Variants in CIT observed in about 807,000 individuals in gnomAD.
The protein encoded by CIT is citron Rho-interacting kinase.
CIT carries 79 observed loss-of-function variants against 272.7 expected under a neutral mutation model. That is an observed-to-expected ratio of 0.29 (90% CI 0.24 to 0.35). The LOEUF (loss-of-function observed/expected upper bound fraction) is 0.35, where lower values mean the gene tolerates loss of function less well. Among genes scored for constraint, CIT ranks in the 10% least tolerant of loss-of-function variants. The probability of loss-of-function intolerance (pLI) is 1.00; values close to 1 mark genes in which losing one functional copy is unlikely to be tolerated. For synonymous variants in CIT, 948 were observed against 995.6 expected (o/e 0.95, Z 0.90); for missense variants, 1,909 against 2,618.3 (o/e 0.73, Z 5.91).
Position 119,718,359 on chromosome 12 carries a change from C to A in CIT, c.4054G>T (p.Ala1352Ser). 5 of 1,613,962 alleles carry A rather than the reference C, an allele frequency of 3.1e-6. No individual in the cohort carries two copies. The highest frequency in any genetic ancestry group is 4.2e-6 in the Non-Finnish European group (5 of 1,179,958). Reference sequence around the variant, plus strand: ...GCGGACATGGCGATCTGCTGCCTCGCGGTGGCTGGCGTGGATGGGTGTGGG... The same window carrying A: ...GCGGACATGGCGATCTGCTGCCTCGAGGTGGCTGGCGTGGATGGGTGTGGG... ...DHPHPSTPATARQQIAMSAIV... is the reference protein window; with the variant it reads ...DHPHPSTPATSRQQIAMSAIV... Residue 1352 changes from alanine to serine, a missense_variant, in exon 32 of 48, where the codon GCG becomes TCG. Ala to Ser is a moderately conservative substitution (Grantham distance 99, BLOSUM62 1). Coordinates refer to ENST00000392521, the MANE Select transcript of CIT (RefSeq NM_001206999.2). This position sits in a 1 kb window ranked among gnomAD's most constrained non-coding sequence, Gnocchi z 4.8.
chr12:119,854,029 T>G (rs1186790333), intron 4 of CIT, among the ~76,000 whole-genome samples: 1 of 151,464 alleles, frequency 6.6e-6, no homozygotes, highest in Non-Finnish European at 1.5e-5. Context: ...TCTACATAAT[T>G]TATTTTTTTT....
At position 119,857,655 on chromosome 12, in the gene CIT, T is replaced by C; in HGVS notation, c.282A>G (p.Ala94=). ...IAELQELQPS[A]KDFEVRSLVG... ...CAAGACTTCTGACTTCGAAGTCCTTTGCCGAAGGCTGGAGCTCCTGTAACT... is the reference window on the plus strand; with the variant it reads ...CAAGACTTCTGACTTCGAAGTCCTTCGCCGAAGGCTGGAGCTCCTGTAACT... Residue 94 remains alanine, a synonymous_variant, in exon 4 of 48, where the codon GCA becomes GCG. Transcript: ENST00000392521. 6.2e-7 allele frequency: 1 copy of C among 1,614,196 alleles called. No individual in the cohort carries two copies. Among genetic ancestry groups the C allele is most frequent in the Non-Finnish European group, 8.5e-7 (1 of 1,180,040 alleles).
At position 119,847,212 on chromosome 12, in the gene CIT, C is replaced by A. The variant is rs182343497; in HGVS notation, c.516+2962G>T. Among the ~76,000 whole-genome samples, 85 of 152,304 alleles carry A rather than the reference C, an allele frequency of 5.6e-4. No individual in the cohort carries two copies. The East Asian group carries it at 0.014, about 25-fold the overall frequency. ...TGTTAGCCAGGATGGTCTCGATCTC[C>A]TGACCTCCTGATCTGCCCACCTCGG... is the stretch of plus-strand genomic sequence containing the variant. On this transcript the variant is annotated intron_variant, in intron 5 of 47. Coordinates refer to ENST00000392521, the MANE Select transcript of CIT (RefSeq NM_001206999.2).
At chr12:119,688,460 C>A (rs1955707559) in intron 47 of CIT, among the ~76,000 whole-genome samples, 1 of 152,246 alleles carries the variant, frequency 6.6e-6, no homozygotes, top group South Asian at 2.1e-4. Flanking sequence ...CGTGTGTGTA[C>A]CTGCGATGCT....
At chr12:119,707,275 T>C (rs1258134846) in intron 40 of CIT, among the ~76,000 whole-genome samples, 1 of 152,238 alleles carries the variant, frequency 6.6e-6, no homozygotes, top group Non-Finnish European at 1.5e-5. Context: ...CTCAGACATT[T>C]ATTTTAGATT....
Position 119,718,283 on chromosome 12 carries a change from G to A in CIT, c.4130C>T (p.Pro1377Leu), listed in dbSNP as rs779515686. Reference sequence around the variant, plus strand: ...AGACTCCTTTCTGCGGCTGGATGGCGGGGCCAGCAGGCTCATGGCACTGGG... The same window carrying A: ...AGACTCCTTTCTGCGGCTGGATGGCAGGGCCAGCAGGCTCATGGCACTGGG... The part of the protein sequence containing the change: ...HQPSAMSLLA[P>L]PSSRRKESST... Residue 1377 changes from proline to leucine, a missense_variant, in exon 32 of 48, where the codon CCG (proline) becomes CTG (leucine). This residue lies in a region of CIT where 780 missense variants were observed against 1,067.2 expected (regional missense o/e 0.73). Transcript: ENST00000392521. This position sits in a 1 kb window ranked among gnomAD's most constrained non-coding sequence, Gnocchi z 4.8. 33 of 1,613,466 alleles carry A rather than the reference G, an allele frequency of 2.0e-5. No homozygotes were observed. The highest frequency in any genetic ancestry group is 1.2e-5 in the Non-Finnish European group (14 of 1,179,702).
At chr12:119,807,406 A>G (rs561593061) in intron 9 of CIT, among the ~76,000 whole-genome samples, 9 of 152,332 alleles carry the variant, frequency 5.9e-5, no homozygotes, top group African/African-American at 2.2e-4. Context: ...TCTTGGGGAT[A>G]TAATTCTTCT....
At position 119,697,691 on chromosome 12, in the gene CIT, A is replaced by G. The variant is rs201139538; in HGVS notation, c.5850T>C (p.Thr1950=). 1.9e-6 allele frequency: 3 copies of G among 1,614,198 alleles called. No homozygotes were observed. Among genetic ancestry groups the G allele is most frequent in the East Asian group, 2.2e-5 (1 of 44,888 alleles). Residue 1950 remains threonine, a synonymous_variant, in exon 46 of 48, where the codon ACT becomes ACC. Coordinates refer to ENST00000392521, the MANE Select transcript of CIT (RefSeq NM_001206999.2). The surrounding 1 kb of genome is among the most constrained non-coding windows in gnomAD (Gnocchi z 4.9). ...AGGTGGACGGGCCCCGGTGGTGTTC[A>G]GTGCCGGACTCCTTCACGAGGTTTC... ...CKGNLVKESG[T]EHHRGPSTSR...
Position 119,796,328 on chromosome 12 carries a change from C to T in CIT, c.1295+6878G>A, listed in dbSNP as rs1402603358. On this transcript the variant is annotated intron_variant, in intron 10 of 47. Transcript: ENST00000392521. Reference sequence around the variant, plus strand: ...GGCAAGGGAATCACTGAGGAGGCTACTGCACCAGACCAAGCAAGAGTCCAT... The same window carrying T: ...GGCAAGGGAATCACTGAGGAGGCTATTGCACCAGACCAAGCAAGAGTCCAT... Among the ~76,000 whole-genome samples, 6 of 152,174 alleles carry T rather than the reference C, an allele frequency of 3.9e-5. No individual in the cohort carries two copies. The East Asian group carries it at 9.6e-4, about 24-fold the overall frequency.
chr12:119,871,364 GCTTTAAA>G (rs1950672614), intron 2 of CIT, among the ~76,000 whole-genome samples: 1 of 152,124 alleles, frequency 6.6e-6, no homozygotes, highest in African/African-American at 2.4e-5. Context: ...AATCATTGTT[GCTTTAAA>G]CTTTGTGAGT....
intron 16 of CIT, among the ~76,000 whole-genome samples, chr12:119,773,489 A>G (rs987987788): frequency 6.6e-6 from 1 of 152,090 alleles, no homozygotes; most frequent in Non-Finnish European, 1.5e-5. Flanking sequence ...CTGGAGTGCA[A>G]TGGCGCAATC....
At chr12:119,766,523 T>C (rs1019815145) in intron 19 of CIT, among the ~76,000 whole-genome samples, 3 of 152,096 alleles carry the variant, frequency 2.0e-5, no homozygotes, top group Non-Finnish European at 4.4e-5. Flanking sequence ...GGATGGTTAA[T>C]GGCTGCAAAA....
Position 119,710,317 on chromosome 12 carries a change from G to C in CIT, c.5005C>G (p.Pro1669Ala). Residue 1669 changes from proline to alanine, a missense_variant, in exon 39 of 48, where the codon CCA (proline) becomes GCA (alanine). Physicochemically the swap from Pro to Ala is conservative, Grantham distance 27. This residue lies in a region of CIT where 780 missense variants were observed against 1,067.2 expected (regional missense o/e 0.73). Coordinates refer to ENST00000392521, the MANE Select transcript of CIT (RefSeq NM_001206999.2). This position sits in a 1 kb window ranked among gnomAD's most constrained non-coding sequence, Gnocchi z 5.6. Reference sequence around the variant, plus strand: ...ATTTGGAAGACTGCTCCAATTCCTGGGACATGGGTTAGGGAGTTTTTCAAG... The same window carrying C: ...ATTTGGAAGACTGCTCCAATTCCTGCGACATGGGTTAGGGAGTTTTTCAAG... ...NVLKNSLTHVPGIGAVFQIYI... is the reference protein window; with the variant it reads ...NVLKNSLTHVAGIGAVFQIYI... 1 of 1,614,172 alleles carries C rather than the reference G, an allele frequency of 6.2e-7. No individual in the cohort carries two copies. The highest frequency in any genetic ancestry group is 8.5e-7 in the Non-Finnish European group (1 of 1,180,022).
Position 119,688,271 on chromosome 12 carries a change from G to A in CIT, c.6187-16C>T. 3 of 1,613,210 alleles carry A rather than the reference G, an allele frequency of 1.9e-6. No homozygotes were observed. Among genetic ancestry groups the A allele is most frequent in the Non-Finnish European group, 2.5e-6 (3 of 1,179,286 alleles). The stretch of plus-strand genomic sequence containing the variant: ...GGTCCCAGACCTAGGAGTGAAATAA[G>A]GAGGAGTGTTAGCCATCCGAGGCCA... On this transcript the variant is annotated splice_polypyrimidine_tract_variant and intron_variant, in intron 47 of 47. Transcript: ENST00000392521.
intron 14 of CIT, 86 bp from the exon 15 acceptor site, chr12:119,776,494 G>C: frequency 8.2e-7 from 1 of 1,218,956 alleles, no homozygotes; most frequent in Admixed American, 2.0e-5. Flanking sequence ...CTGTGACCAA[G>C]ATAATAATAG....
At chr12:119,767,807 T>G (rs939464953) in intron 18 of CIT, among the ~76,000 whole-genome samples, 1 of 151,620 alleles carries the variant, frequency 6.6e-6, no homozygotes, top group Admixed American at 6.6e-5. Flanking sequence ...CTGATAATAA[T>G]GACATAAAAA....
At chr12:119,725,602 G>A (rs1036522014) in intron 28 of CIT, among the ~76,000 whole-genome samples, 1 of 152,174 alleles carries the variant, frequency 6.6e-6, no homozygotes, top group Non-Finnish European at 1.5e-5. Context: ...ACTGAAATCT[G>A]CCTCCGGCTC....
At chr12:119,717,838 C>CCTTTT (rs1957598855) in intron 32 of CIT, among the ~76,000 whole-genome samples, 10 of 81,330 alleles carry the variant, frequency 1.2e-4, no homozygotes, top group Non-Finnish European at 1.8e-4. Context: ...TGACTTCTTT[C>CCTTTT]TTTTTTTTTT....
intron 10 of CIT, among the ~76,000 whole-genome samples, chr12:119,802,409 C>T (rs1278248838): frequency 6.6e-6 from 1 of 152,160 alleles, no homozygotes. Flanking sequence ...ATTCCAAGTG[C>T]TCTGTTAATG....
Sources: gnomAD v4.1 joint callset for allele counts (sites outside exome capture counted in the v4.1 genomes callset) on GRCh38, gnomAD v4.1.1 for gene constraint, gnomAD v4.1.1 regional missense constraint, Gnocchi (gnomAD v3.1) non-coding constraint, MANE v1.5 for transcripts, NCBI Gene and HGNC (gene_info 2026-07-23, HGNC 2026-07-21) for gene names.